Variants in SAMD3 observed in about 807,000 individuals in gnomAD.
SAMD3 encodes sterile alpha motif domain-containing protein 3.
Under a neutral mutation model 58.5 loss-of-function variants are expected in SAMD3, and 63 were observed. The observed-to-expected ratio is 1.08, with a 90% CI of 0.88 to 1.33. The LOEUF (loss-of-function observed/expected upper bound fraction) is 1.33, where lower values mean the gene tolerates loss of function less well. Among genes scored for constraint, SAMD3 ranks in the 40% most tolerant of loss-of-function variants. SAMD3 has a pLI of 0.00. For missense variants in SAMD3, 604 were observed against 608.4 expected (o/e 0.99, Z 0.08); for synonymous variants, 220 against 210.3 (o/e 1.05, Z -0.40).
chr6:130,349,273 A>G (rs1777568341), intron 1 of SAMD3, among the ~76,000 whole-genome samples: 2 of 152,334 alleles, frequency 1.3e-5, no homozygotes, highest in South Asian at 4.2e-4. Flanking sequence ...CCCTTCAAAA[A>G]ATCAATGAAT....
intron 1 of SAMD3, among the ~76,000 whole-genome samples, chr6:130,363,558 A>G (rs1031636244): frequency 1.3e-5 from 2 of 152,184 alleles, no homozygotes; most frequent in Non-Finnish European, 1.5e-5. Context: ...TCAATCACAT[A>G]TGTATTGAGG....
At chr6:130,329,235 T>C (rs1049844256) in intron 1 of SAMD3, among the ~76,000 whole-genome samples, 1 of 143,220 alleles carries the variant, frequency 7.0e-6, no homozygotes. Context: ...AGTAGCTAAA[T>C]ATAGATTAAC....
chr6:130,152,136 CCT>C (rs1789257718), intron 9 of SAMD3, among the ~76,000 whole-genome samples: 1 of 151,810 alleles, frequency 6.6e-6, no homozygotes, highest in Admixed American at 6.6e-5. Context: ...GTTCTGCCAC[CCT>C]GTCTCCACCA....
At chr6:130,195,197 C>T (rs1007390491) in intron 5 of SAMD3, among the ~76,000 whole-genome samples, 2 of 152,094 alleles carry the variant, frequency 1.3e-5, no homozygotes, top group African/African-American at 4.8e-5. Flanking sequence ...AAGCCTCCTT[C>T]ATGTCCTCCT....
chr6:130,197,113 T>C (rs936748122), intron 5 of SAMD3, among the ~76,000 whole-genome samples: 11 of 152,206 alleles, frequency 7.2e-5, no homozygotes, highest in African/African-American at 2.2e-4. Context: ...ATACTTTTAC[T>C]ACTTTCCCTT....
chr6:130,281,727 T>C (rs1288126395), intron 2 of SAMD3, among the ~76,000 whole-genome samples: 1 of 152,090 alleles, frequency 6.6e-6, no homozygotes, highest in Admixed American at 6.5e-5. Context: ...GAGACCAGCC[T>C]GGGCAACATG....
At chr6:130,305,896 T>C (rs1775897038) in intron 2 of SAMD3, among the ~76,000 whole-genome samples, 1 of 152,244 alleles carries the variant, frequency 6.6e-6, no homozygotes, top group Non-Finnish European at 1.5e-5. Flanking sequence ...AAAATAAATT[T>C]ATTTCTCCTA....
chr6:130,290,925 T>C (rs1423902167), intron 2 of SAMD3, among the ~76,000 whole-genome samples: 2 of 152,216 alleles, frequency 1.3e-5, no homozygotes, highest in Non-Finnish European at 2.9e-5. Context: ...CCCTTTCCTC[T>C]GGGTCTGAGT....
chr6:130,150,117 G>A (rs911729838), intron 9 of SAMD3, among the ~76,000 whole-genome samples: 23 of 151,892 alleles, frequency 1.5e-4, no homozygotes, highest in Admixed American at 1.4e-3. Flanking sequence ...GTGTGTGCGC[G>A]CGTGTGTGTG....
intron 9 of SAMD3, among the ~76,000 whole-genome samples, chr6:130,149,164 C>T (rs1788907132): frequency 6.6e-6 from 1 of 152,206 alleles, no homozygotes; most frequent in South Asian, 2.1e-4. Context: ...AGATTCCTGG[C>T]TCCCATTATA....
chr6:130,350,135 G>A (rs987024361), intron 1 of SAMD3, among the ~76,000 whole-genome samples: 8 of 152,094 alleles, frequency 5.3e-5, no homozygotes, highest in African/African-American at 1.9e-4. Flanking sequence ...GACAAAAACT[G>A]GAAGCATTCC....
At chr6:130,339,310 G>A (rs763414941) in intron 1 of SAMD3, among the ~76,000 whole-genome samples, 1 of 152,124 alleles carries the variant, frequency 6.6e-6, no homozygotes, top group Non-Finnish European at 1.5e-5. Flanking sequence ...GCTTCCCAAA[G>A]TGCTGGGATT....
At chr6:130,236,595 G>C (rs1222749051) in intron 2 of SAMD3, among the ~76,000 whole-genome samples, 1 of 152,068 alleles carries the variant, frequency 6.6e-6, no homozygotes, top group Non-Finnish European at 1.5e-5. Context: ...TGTTGGCCAG[G>C]CTGGTCTCAA....
chr6:130,239,369 G>T (rs910643248), intron 2 of SAMD3, among the ~76,000 whole-genome samples: 2 of 152,102 alleles, frequency 1.3e-5, no homozygotes, highest in Non-Finnish European at 2.9e-5. Context: ...CTATCTGTAG[G>T]TATATTGAGG....
At chr6:130,279,736 C>T (rs1279588708) in intron 2 of SAMD3, among the ~76,000 whole-genome samples, 1 of 152,104 alleles carries the variant, frequency 6.6e-6, no homozygotes, top group African/African-American at 2.4e-5. Flanking sequence ...CCACCCGCCT[C>T]GGCCTCCCAA....
intron 1 of SAMD3, among the ~76,000 whole-genome samples, chr6:130,361,087 C>T (rs1385046800): frequency 6.6e-6 from 1 of 151,962 alleles, no homozygotes; most frequent in Non-Finnish European, 1.5e-5. Flanking sequence ...ATCACAGGGT[C>T]CTGAGGCAAC....
intron 5 of SAMD3, among the ~76,000 whole-genome samples, chr6:130,206,228 G>A (rs1252900130): frequency 6.6e-6 from 1 of 152,244 alleles, no homozygotes; most frequent in Non-Finnish European, 1.5e-5. Flanking sequence ...GAAAGACAGA[G>A]TCAGTTGGCT....
intron 9 of SAMD3, among the ~76,000 whole-genome samples, chr6:130,151,711 G>A (rs1322032770): frequency 6.6e-6 from 1 of 152,182 alleles, no homozygotes; most frequent in Non-Finnish European, 1.5e-5. Context: ...AAAGTGCTGG[G>A]ATTACAGGCA....
chr6:130,311,117 C>T (rs1430862783), intron 2 of SAMD3, among the ~76,000 whole-genome samples: 2 of 152,100 alleles, frequency 1.3e-5, no homozygotes, highest in African/African-American at 4.8e-5. Flanking sequence ...CACCTCCTCC[C>T]GTAAATCATG....
Sources: gnomAD v4.1 joint callset for allele counts (sites outside exome capture counted in the v4.1 genomes callset) on GRCh38, gnomAD v4.1.1 for gene constraint, MANE v1.5 for transcripts, NCBI Gene and HGNC (gene_info 2026-07-23, HGNC 2026-07-21) for gene names.